The following ROBO1 variants were observed in gnomAD, a reference collection of about 807,000 sequenced individuals.
ROBO1 encodes roundabout homolog 1.
Under a neutral mutation model 195.9 loss-of-function variants are expected in ROBO1, and 149 were observed. That is an observed-to-expected ratio of 0.76 (90% CI 0.67 to 0.87). The LOEUF (loss-of-function observed/expected upper bound fraction) is 0.87, where lower values mean the gene tolerates loss of function less well. Ranked by LOEUF, ROBO1 falls within the 40% of genes least tolerant of loss-of-function variation. The pLI is 0.00. For synonymous variants in ROBO1, 816 were observed against 733.2 expected (o/e 1.11, Z -1.82); for missense variants, 1,933 against 2,068.3 (o/e 0.93, Z 1.27).
At chr3:79,144,077 G>A (rs1480635943) in intron 2 of ROBO1, among the ~76,000 whole-genome samples, 1 of 151,918 alleles carries the variant, frequency 6.6e-6, no homozygotes, top group East Asian at 1.9e-4. Flanking sequence ...TGATATGGAT[G>A]TACTAGAGTT....
intron 2 of ROBO1, among the ~76,000 whole-genome samples, chr3:79,378,278 A>T (rs2109360676): frequency 6.6e-6 from 1 of 151,710 alleles, no homozygotes; most frequent in Non-Finnish European, 1.5e-5. Flanking sequence ...ATTCAGAACT[A>T]ACTAGTCTGG....
intron 3 of ROBO1, among the ~76,000 whole-genome samples, chr3:79,003,184 T>C (rs2077544327): frequency 6.6e-6 from 1 of 152,174 alleles, no homozygotes; most frequent in Admixed American, 6.6e-5. Context: ...GAAATGGCCA[T>C]CACATTGACA....
chr3:79,445,119 T>C (rs1434173688), intron 2 of ROBO1, among the ~76,000 whole-genome samples: 1 of 152,092 alleles, frequency 6.6e-6, no homozygotes, highest in Non-Finnish European at 1.5e-5. Context: ...GTATCCTCTT[T>C]GTCTCATTCC....
chr3:78,669,410 G>A (rs1707928468), intron 11 of ROBO1, among the ~76,000 whole-genome samples: 1 of 152,164 alleles, frequency 6.6e-6, no homozygotes, highest in South Asian at 2.1e-4. Flanking sequence ...CACACTAGGA[G>A]ATAAAGCAAC....
chr3:79,749,194 T>TG (rs1458798412), intron 1 of ROBO1, among the ~76,000 whole-genome samples: 2 of 152,116 alleles, frequency 1.3e-5, no homozygotes, highest in African/African-American at 2.4e-5. Flanking sequence ...GCAAAGAGAC[T>TG]GGTGACATTT....
At chr3:79,012,330 C>T (rs181031203) in intron 3 of ROBO1, among the ~76,000 whole-genome samples, 13 of 152,266 alleles carry the variant, frequency 8.5e-5, no homozygotes, top group Non-Finnish European at 1.9e-4. Flanking sequence ...TTGACATTTG[C>T]TTGTATCCTT....
chr3:78,945,282 C>T (rs2040367966), intron 3 of ROBO1, among the ~76,000 whole-genome samples: 2 of 152,168 alleles, frequency 1.3e-5, no homozygotes, highest in Non-Finnish European at 2.9e-5. Context: ...TAGGGGCGGA[C>T]TGACACCTCA....
At chr3:78,987,486 C>T (rs1399700173) in intron 3 of ROBO1, among the ~76,000 whole-genome samples, 1 of 152,038 alleles carries the variant, frequency 6.6e-6, no homozygotes, top group Non-Finnish European at 1.5e-5. Flanking sequence ...GGGAGACTAG[C>T]CATCCTTCCT....
At chr3:79,667,329 C>G (rs148366601) in intron 1 of ROBO1, among the ~76,000 whole-genome samples, 2 of 151,876 alleles carry the variant, frequency 1.3e-5, no homozygotes, top group East Asian at 3.9e-4. Flanking sequence ...GAATAGTATA[C>G]TGATCATCAA....
intron 1 of ROBO1, among the ~76,000 whole-genome samples, chr3:79,745,740 C>T (rs1292107170): frequency 6.6e-6 from 1 of 151,972 alleles, no homozygotes; most frequent in Non-Finnish European, 1.5e-5. Flanking sequence ...TTAGTATAGT[C>T]TATTAGAGTG....
At chr3:79,550,757 A>G (rs1010034103) in intron 2 of ROBO1, among the ~76,000 whole-genome samples, 3 of 152,180 alleles carry the variant, frequency 2.0e-5, no homozygotes, top group African/African-American at 4.8e-5. Context: ...GATCCTTCCA[A>G]TGGGGTTGAT....
At chr3:79,610,160 TATCCGTGGGGG>T (rs1156314894) in intron 1 of ROBO1, among the ~76,000 whole-genome samples, 1 of 151,944 alleles carries the variant, frequency 6.6e-6, no homozygotes, top group African/African-American at 2.4e-5. Context: ...CGTCTCTCTT[TATCCGTGGGGG>T]ATACATTCCA....
chr3:79,703,956 GATTT>G (rs1167501278), intron 1 of ROBO1, among the ~76,000 whole-genome samples: 4 of 151,888 alleles, frequency 2.6e-5, no homozygotes, highest in Admixed American at 6.6e-5. Flanking sequence ...ATGTTGGACA[GATTT>G]ATTGTTTTAT....
At chr3:78,967,621 T>G (rs9858480) in intron 3 of ROBO1, among the ~76,000 whole-genome samples, 3 of 152,090 alleles carry the variant, frequency 2.0e-5, no homozygotes, top group South Asian at 2.1e-4. Context: ...CAAGCAATCA[T>G]GACCCTCCTT....
chr3:79,505,789 G>A (rs1940360723), intron 2 of ROBO1, among the ~76,000 whole-genome samples: 1 of 152,150 alleles, frequency 6.6e-6, no homozygotes, highest in African/African-American at 2.4e-5. Context: ...TGTATACAGT[G>A]GTAGGTTTAC....
chr3:79,146,366 C>T (rs2080649081), intron 2 of ROBO1, among the ~76,000 whole-genome samples: 1 of 151,816 alleles, frequency 6.6e-6, no homozygotes, highest in Non-Finnish European at 1.5e-5. Context: ...AAAATAGAGC[C>T]CATCAATTCT....
chr3:79,706,888 CT>C (rs1158022467), intron 1 of ROBO1, among the ~76,000 whole-genome samples: 1 of 151,998 alleles, frequency 6.6e-6, no homozygotes, highest in African/African-American at 2.4e-5. Flanking sequence ...CTTTTTCTAC[CT>C]TGTTGAATTC....
intron 4 of ROBO1, among the ~76,000 whole-genome samples, chr3:78,872,176 C>G (rs193016210): frequency 3.5e-4 from 54 of 152,328 alleles, no homozygotes; most frequent in Admixed American, 2.3e-3. Flanking sequence ...TTTCTGACTT[C>G]TAACAAATAC....
chr3:79,248,495 T>G (rs916643442), intron 2 of ROBO1, among the ~76,000 whole-genome samples: 1 of 151,996 alleles, frequency 6.6e-6, no homozygotes, highest in Non-Finnish European at 1.5e-5. Context: ...AGAATAATGC[T>G]TCATGCAGAA....
Sources: allele counts gnomAD v4.1 joint callset (sites outside exome capture counted in the v4.1 genomes callset), GRCh38; gene constraint gnomAD v4.1.1; transcripts MANE v1.5; gene names NCBI Gene and HGNC (gene_info 2026-07-23, HGNC 2026-07-21).